Variants in MCC observed in about 807,000 individuals in gnomAD.
The protein encoded by MCC is colorectal mutant cancer protein.
Under a neutral mutation model 116.2 loss-of-function variants are expected in MCC, and 90 were observed. That is an observed-to-expected ratio of 0.77 (90% CI 0.65 to 0.92). MCC has a LOEUF of 0.92. Ranked by LOEUF, MCC falls within the 40% of genes least tolerant of loss-of-function variation. The pLI is 0.00. For synonymous variants in MCC, 578 were observed against 510.5 expected, an observed-to-expected ratio of 1.13 and a Z score of -1.78; for missense variants, 1,516 against 1,312.2, an observed-to-expected ratio of 1.16 and a Z score of -2.40.
chr5:113,277,740 T>C (rs530699128), intron 3 of MCC, among the ~76,000 whole-genome samples: 1 of 151,864 alleles, frequency 6.6e-6, no homozygotes, highest in African/African-American at 2.4e-5. Context: ...TTCATACCAC[T>C]CTTTATTTAT....
intron 3 of MCC, among the ~76,000 whole-genome samples, chr5:113,281,520 A>G (rs974426790): frequency 1.5e-4 from 23 of 152,162 alleles, no homozygotes; most frequent in African/African-American, 5.3e-4. Flanking sequence ...TGGTCATCCA[A>G]AGGTTACTGG....
chr5:113,095,886 T>C (rs1434182358), intron 8 of MCC, among the ~76,000 whole-genome samples: 2 of 151,988 alleles, frequency 1.3e-5, no homozygotes, highest in Admixed American at 6.6e-5. Context: ...AGAGCCTTTC[T>C]TAAAAATAAG....
intron 2 of MCC, among the ~76,000 whole-genome samples, chr5:113,378,478 G>C (rs1284134856): frequency 6.6e-6 from 1 of 152,128 alleles, no homozygotes; most frequent in African/African-American, 2.4e-5. Flanking sequence ...ATAAATTAAA[G>C]GTAATTGTAC....
intron 3 of MCC, among the ~76,000 whole-genome samples, chr5:113,264,906 G>A (rs1223375282): frequency 6.6e-6 from 1 of 152,120 alleles, no homozygotes; most frequent in African/African-American, 2.4e-5. Flanking sequence ...GCCAGGTGTG[G>A]TGGCACATGC....
At chr5:113,102,909 A>C (rs914531464) in intron 7 of MCC, among the ~76,000 whole-genome samples, 2 of 152,194 alleles carry the variant, frequency 1.3e-5, no homozygotes, top group Non-Finnish European at 2.9e-5. Context: ...TGAGGTCAGG[A>C]GTTCAAGACC....
At chr5:113,222,048 T>G (rs905721521) in intron 3 of MCC, among the ~76,000 whole-genome samples, 2 of 152,236 alleles carry the variant, frequency 1.3e-5, no homozygotes, top group African/African-American at 4.8e-5. Flanking sequence ...TGTAGGTTTT[T>G]TCATAGCTTT....
intron 3 of MCC, among the ~76,000 whole-genome samples, chr5:113,201,815 T>G (rs1762693252): frequency 6.6e-6 from 1 of 152,096 alleles, no homozygotes; most frequent in South Asian, 2.1e-4. Context: ...AGGGCTAGAT[T>G]AAAATCAAGC....
At chr5:113,288,911 A>G (rs1225931575) in intron 3 of MCC, among the ~76,000 whole-genome samples, 1 of 152,238 alleles carries the variant, frequency 6.6e-6, no homozygotes, top group Non-Finnish European at 1.5e-5. Flanking sequence ...GTTTTAGACA[A>G]GCATGTCAAT....
intron 16 of MCC, among the ~76,000 whole-genome samples, chr5:113,048,160 C>A (rs968527968): frequency 1.3e-5 from 2 of 152,206 alleles, no homozygotes; most frequent in African/African-American, 4.8e-5. Flanking sequence ...TTCCTCAGAC[C>A]TGTGAGACTT....
At chr5:113,118,565 G>C (rs916304297) in intron 6 of MCC, among the ~76,000 whole-genome samples, 2 of 152,220 alleles carry the variant, frequency 1.3e-5, no homozygotes, top group African/African-American at 4.8e-5. Context: ...AAGCTGATAG[G>C]CTGGACTTAG....
At chr5:113,104,467 A>G (rs928196101) in intron 6 of MCC, 112 bp from the exon 7 acceptor site, 8 of 894,246 alleles carry the variant, frequency 8.9e-6, no homozygotes, top group Non-Finnish European at 1.3e-5. Flanking sequence ...CTGACATTTC[A>G]AAGTTCAACA....
At chr5:113,178,351 G>T (rs1235396097) in intron 3 of MCC, among the ~76,000 whole-genome samples, 5 of 152,202 alleles carry the variant, frequency 3.3e-5, no homozygotes, top group African/African-American at 1.2e-4. Flanking sequence ...GACATAAAGT[G>T]TAGATGGCAT....
At chr5:113,283,220 G>C (rs1766117304) in intron 3 of MCC, among the ~76,000 whole-genome samples, 1 of 152,190 alleles carries the variant, frequency 6.6e-6, no homozygotes, top group Non-Finnish European at 1.5e-5. Flanking sequence ...CAAGGCGTGA[G>C]TACTGTGCAA....
chr5:113,241,706 G>A (rs1764375565), intron 3 of MCC, among the ~76,000 whole-genome samples: 2 of 152,246 alleles, frequency 1.3e-5, no homozygotes, highest in African/African-American at 2.4e-5. Flanking sequence ...AATCAAAAAA[G>A]GTATTACATG....
chr5:113,175,028 G>T (rs1234213924), intron 3 of MCC, among the ~76,000 whole-genome samples: 2 of 152,096 alleles, frequency 1.3e-5, no homozygotes, highest in Admixed American at 6.6e-5. Context: ...ACACCAAATT[G>T]TTAATGCTGG....
intron 2 of MCC, among the ~76,000 whole-genome samples, chr5:113,384,400 A>G (rs1485032992): frequency 6.6e-6 from 1 of 152,174 alleles, no homozygotes; most frequent in East Asian, 1.9e-4. Flanking sequence ...CATCCTGGCT[A>G]ATACGGTGAA....
chr5:113,039,980 A>G (rs962627652), intron 17 of MCC, among the ~76,000 whole-genome samples: 1 of 151,866 alleles, frequency 6.6e-6, no homozygotes, highest in Non-Finnish European at 1.5e-5. Context: ...TGAGATGGAG[A>G]AGGTTTTTAC....
rs1765084183 is a variant in MCC, at chr5:113,258,004, C to CCAGA, written c.627+82511_627+82514dup. 2.0e-5 allele frequency among the ~76,000 whole-genome samples: 3 copies of CCAGA among 151,892 alleles called. No homozygotes were observed. The South Asian group carries it at 6.3e-4, about 32-fold the overall frequency. On this transcript the variant is annotated intron_variant, in intron 3 of 18. Transcript: ENST00000408903. ...CAATGGCTCTCCATAAAGCAGGAGGCCAGAGCATCTGCTAAAATTGAGAGA... is the reference window on the plus strand; with the variant it reads ...CAATGGCTCTCCATAAAGCAGGAGGCCAGACAGAGCATCTGCTAAAATTGAGAGA...
At chr5:113,249,665 G>A (rs1243723971) in intron 3 of MCC, among the ~76,000 whole-genome samples, 2 of 152,108 alleles carry the variant, frequency 1.3e-5, no homozygotes, top group Non-Finnish European at 2.9e-5. Flanking sequence ...TGTGTGTTTG[G>A]GGTGTATAAA....
Sources: gnomAD v4.1 joint callset for allele counts (sites outside exome capture counted in the v4.1 genomes callset) on GRCh38, gnomAD v4.1.1 for gene constraint, MANE v1.5 for transcripts, NCBI Gene and HGNC (gene_info 2026-07-23, HGNC 2026-07-21) for gene names.